The following TRIO variants were observed in gnomAD, a reference collection of about 807,000 sequenced individuals.
TRIO encodes triple functional domain protein.
Under a neutral mutation model 351.9 loss-of-function variants are expected in TRIO, and 58 were observed. The observed-to-expected ratio is 0.16, with a 90% confidence interval of 0.13 to 0.21. TRIO has a LOEUF of 0.21. Ranked by LOEUF, TRIO falls within the 10% of genes least tolerant of loss-of-function variation. The pLI, the probability that TRIO is intolerant of heterozygous loss-of-function variation, is 1.00. For missense variants in TRIO, 3,201 were observed against 4,027.8 expected (o/e 0.79, Z 5.56); for synonymous variants, 1,758 against 1,595.7 (o/e 1.10, Z -2.42).
chr5:14,231,824 T>C (rs374124139), intron 1 of TRIO, among the ~76,000 whole-genome samples: 10 of 150,664 alleles, frequency 6.6e-5, no homozygotes, highest in Admixed American at 2.0e-4. Flanking sequence ...GAGTCTTACA[T>C]AGGCATAAGC....
At chr5:14,316,371 GA>G (rs1384029729) in intron 8 of TRIO, 141 bp from the exon 9 acceptor site, 1 of 791,442 alleles carries the variant, frequency 1.3e-6, no homozygotes, top group Non-Finnish European at 2.0e-6. Context: ...GTGTGTGAAT[GA>G]ATGTCTGGGC....
At chr5:14,172,696 A>G (rs1167697639) in intron 1 of TRIO, among the ~76,000 whole-genome samples, 1 of 152,258 alleles carries the variant, frequency 6.6e-6, no homozygotes, top group Non-Finnish European at 1.5e-5. Context: ...GGCTTTTTCA[A>G]GACCATTGGA....
intron 34 of TRIO, among the ~76,000 whole-genome samples, chr5:14,430,900 C>T (rs1428300589): frequency 6.6e-6 from 1 of 151,940 alleles, no homozygotes; most frequent in Non-Finnish European, 1.5e-5. Context: ...TAAATGGAGG[C>T]GGAGTTTCAC....
At chr5:14,374,460 C>A in intron 19 of TRIO, 117 bp downstream of exon 19, 1 of 632,022 alleles carries the variant, frequency 1.6e-6, no homozygotes, top group Non-Finnish European at 2.6e-6. Context: ...ATGTCCGTTT[C>A]ATGTTAATGA....
chr5:14,399,718 C>T (rs1203710495), intron 30 of TRIO, among the ~76,000 whole-genome samples: 1 of 152,220 alleles, frequency 6.6e-6, no homozygotes, highest in Non-Finnish European at 1.5e-5. Context: ...TTTGTGACCA[C>T]TGGCTAGCCT....
At chr5:14,358,541 C>T in intron 12 of TRIO, among the ~76,000 whole-genome samples, 194 bp downstream of exon 12, 1 of 34,112 alleles carries the variant, frequency 2.9e-5, no homozygotes, top group East Asian at 4.2e-4. Context: ...TCTCTCCCTC[C>T]TTACAGTTTT....
intron 1 of TRIO, among the ~76,000 whole-genome samples, chr5:14,167,034 T>C (rs532787967): frequency 9.9e-5 from 15 of 152,098 alleles, no homozygotes; most frequent in African/African-American, 3.6e-4. Flanking sequence ...CCTCAGTCTC[T>C]AGATTGACCA....
At position 14,316,059 on chromosome 5, in the gene TRIO, A is replaced by T. The variant is rs1739356598; in HGVS notation, c.1501-454A>T. On this transcript the variant is annotated intron_variant, in intron 8 of 56. Transcript: ENST00000344204. ...TGTTTTAACTGAGGCTTTAAGGAAC[A>T]ATTTTGTTCCATTGTGATGATCTGC... Among the ~76,000 whole-genome samples the T allele has an allele frequency of 2.0e-5, 3 of 152,364 alleles. No homozygotes were observed. The South Asian group carries it at 6.2e-4, about 32-fold the overall frequency.
At chr5:14,403,435 TGTG>T (rs1219207268) in intron 31 of TRIO, among the ~76,000 whole-genome samples, 335 of 32,248 alleles carry the variant, frequency 0.01, 113 homozygotes, top group Middle Eastern at 0.062. Flanking sequence ...GGGTGTAGGT[TGTG>T]GTGAGGGTGT....
At chr5:14,228,979 G>A (rs1000277686) in intron 1 of TRIO, among the ~76,000 whole-genome samples, 1 of 152,174 alleles carries the variant, frequency 6.6e-6, no homozygotes, top group Non-Finnish European at 1.5e-5. Context: ...TTAGGTATGT[G>A]TTCATAAAAT....
Position 14,234,839 on chromosome 5 carries a change from T to A in TRIO, c.158-35986T>A, listed in dbSNP as rs529017226. ...TTGCAAAAAGTTCTGAAATGACTTA[T>A]TTTAAAATTTTCATCTAATCTACAA... On this transcript the variant is annotated intron_variant, in intron 1 of 56. Transcript: ENST00000344204. Among the ~76,000 whole-genome samples, 3 of 152,366 alleles carry A rather than the reference T, an allele frequency of 2.0e-5. No individual in the cohort carries two copies. In the East Asian group the frequency reaches 5.8e-4, roughly 29 times the overall value.
chr5:14,437,699 C>CA (rs60223754), intron 34 of TRIO, among the ~76,000 whole-genome samples: 3 of 144,526 alleles, frequency 2.1e-5, no homozygotes, highest in South Asian at 2.2e-4. Context: ...CCCCCCGCCC[C>CA]AAGGACCTCA....
At chr5:14,281,485 G>T (rs1049529977) in intron 3 of TRIO, among the ~76,000 whole-genome samples, 1 of 139,352 alleles carries the variant, frequency 7.2e-6, no homozygotes, top group East Asian at 2.2e-4. Flanking sequence ...AACATTGGGG[G>T]TTACAGTTCA....
At chr5:14,480,743 C>G (rs953112711) in intron 43 of TRIO, among the ~76,000 whole-genome samples, 1 of 152,170 alleles carries the variant, frequency 6.6e-6, no homozygotes, top group Non-Finnish European at 1.5e-5. Flanking sequence ...AGCTTGAAAT[C>G]TACGTAGGAA....
intron 2 of TRIO, among the ~76,000 whole-genome samples, chr5:14,278,037 A>T (rs1330094306): frequency 1.3e-5 from 2 of 152,268 alleles, no homozygotes; most frequent in South Asian, 2.1e-4. Context: ...AAAAGTGAAA[A>T]TTTTTCCTCT....
chr5:14,189,295 T>G (rs1407228053), intron 1 of TRIO, among the ~76,000 whole-genome samples: 1 of 152,244 alleles, frequency 6.6e-6, no homozygotes, highest in Non-Finnish European at 1.5e-5. Flanking sequence ...GATGCTCCTG[T>G]CCCCATGGTT....
chr5:14,230,340 TTGTGTGTGTGTG>T lies in TRIO; in HGVS notation c.158-40461_158-40450del, dbSNP rs59717445. Among the ~76,000 whole-genome samples the T allele has an allele frequency of 4.7e-3, 700 of 149,118 alleles. 4 individuals carry two copies. Among genetic ancestry groups the T allele is most frequent in the African/African-American group, 0.012 (475 of 39,892 alleles). The stretch of plus-strand genomic sequence containing the variant: ...GAAATTGGAAAGTCAGGCAAGATGT[TTGTGTGTGTGTG>T]TGTGTGTGTGTGTGTGTGTGTGTTG... On this transcript the variant is annotated intron_variant, in intron 1 of 56. Transcript: ENST00000344204.
chr5:14,166,886 G>C (rs1392493354), intron 1 of TRIO, among the ~76,000 whole-genome samples: 1 of 152,154 alleles, frequency 6.6e-6, no homozygotes, highest in Admixed American at 6.5e-5. Flanking sequence ...CAGTGGAGAA[G>C]GGAGGTCTCA....
At chr5:14,289,852 A>G (rs955038589) in intron 4 of TRIO, among the ~76,000 whole-genome samples, 4 of 152,054 alleles carry the variant, frequency 2.6e-5, no homozygotes, top group Admixed American at 6.5e-5. Flanking sequence ...CCATCTCAAA[A>G]AAAAATAATA....
Sources: gnomAD v4.1 joint callset for allele counts (sites outside exome capture counted in the v4.1 genomes callset) on GRCh38, gnomAD v4.1.1 for gene constraint, MANE v1.5 for transcripts, NCBI Gene and HGNC (gene_info 2026-07-23, HGNC 2026-07-21) for gene names.